Variants in GRIP2 observed in about 807,000 individuals in gnomAD.
The protein encoded by GRIP2 is glutamate receptor interacting protein 2.
A neutral mutation model predicts 108.3 loss-of-function variants in GRIP2; 58 were observed. The ratio of observed to expected loss-of-function variants is 0.54; its 90% CI spans 0.43 to 0.67. GRIP2 has a LOEUF of 0.67. Ranked by LOEUF, GRIP2 falls within the 30% of genes least tolerant of loss-of-function variation. The pLI is 0.00. For synonymous variants in GRIP2, 586 were observed against 598.2 expected, an observed-to-expected ratio of 0.98 and a Z score of 0.30; for missense variants, 1,278 against 1,430.6, an observed-to-expected ratio of 0.89 and a Z score of 1.72.
At chr3:14,555,867 G>C (rs937135824) in intron 1 of GRIP2, 6 of 398,832 alleles carry the variant, frequency 1.5e-5, no homozygotes, top group Non-Finnish European at 2.7e-5. Flanking sequence ...AGTCCCTCTG[G>C]GCCCCTCGCC....
In GRIP2 at chr3:14,521,672, A is replaced by T; in HGVS notation, c.682T>A (p.Phe228Ile). Reference sequence around the variant, plus strand: ...GTGGCCACATCATACTCCACCTGAAAGAGTGCCTCGTGGCTGCACTGCCGC... The same window carrying T: ...GTGGCCACATCATACTCCACCTGAATGAGTGCCTCGTGGCTGCACTGCCGC... ...TLRQCSHEAL[F>I]QVEYDVATPD... Residue 228 changes from phenylalanine (F) to isoleucine (I), a missense_variant, in exon 7 of 24, where the codon TTT (phenylalanine) becomes ATT (isoleucine). Transcript: ENST00000621039. The surrounding 1 kb of genome is among the most constrained non-coding windows in gnomAD (Gnocchi z 5.1). The T allele has an allele frequency of 6.2e-7, 1 of 1,612,060 alleles. No homozygotes were observed. Among genetic ancestry groups the T allele is most frequent in the Non-Finnish European group, 8.5e-7 (1 of 1,179,142 alleles).
intron 12 of GRIP2, 33 bp downstream of exon 12, chr3:14,514,259 G>A (rs779618152): frequency 1.3e-6 from 2 of 1,517,198 alleles, no homozygotes; most frequent in South Asian, 1.2e-5. Context: ...TCAGAGAGTG[G>A]CAGGCTCAGT....
At chr3:14,516,267 T>C (rs1694245284) in intron 11 of GRIP2, among the ~76,000 whole-genome samples, 1 of 152,102 alleles carries the variant, frequency 6.6e-6, no homozygotes, top group African/African-American at 2.4e-5. Context: ...AGAACCATAT[T>C]TAGCTTTTTT....
chr3:14,550,843 A>T (rs961184746), intron 1 of GRIP2, among the ~76,000 whole-genome samples: 1 of 152,194 alleles, frequency 6.6e-6, no homozygotes, highest in East Asian at 1.9e-4. Flanking sequence ...ATCTTGCCCA[A>T]GGTCATCCTA....
chr3:14,521,421 C>T lies in GRIP2; in HGVS notation c.712+221G>A, dbSNP rs1694404597. The T allele has an allele frequency of 3.8e-6, 2 of 523,920 alleles. No individual in the cohort carries two copies. Among genetic ancestry groups the T allele is most frequent in the Admixed American group, 3.9e-5 (1 of 25,974 alleles). The allele number at this position is 523,920 out of a possible 1,614,324, so 32.5% of individuals were successfully genotyped here. ...TGTCCTCTCTCCACCAGAATGCCAG[C>T]TCCATGAGAACAGACACCTCAATTC... On this transcript the variant is annotated intron_variant, in intron 7 of 23. Coordinates refer to ENST00000621039, the MANE Select transcript of GRIP2 (RefSeq NM_001080423.4). The surrounding 1 kb of genome is among the most constrained non-coding windows in gnomAD (Gnocchi z 5.1).
chr3:14,575,710 G>C, the GRIP2 span, among the ~76,000 whole-genome samples: 12 of 152,350 alleles, frequency 7.9e-5, no homozygotes, highest in African/African-American at 2.6e-4. Context: ...TTTAACAAAA[G>C]GGTGGAGAGG....
intron 23 of GRIP2, 99 bp downstream of exon 23, chr3:14,494,744 G>A (rs1349004925): frequency 7.1e-7 from 1 of 1,413,246 alleles, no homozygotes; most frequent in African/African-American, 1.4e-5. Flanking sequence ...GACTTGCATT[G>A]TCCTGCCCTC....
intron 19 of GRIP2, among the ~76,000 whole-genome samples, chr3:14,506,491 G>C (rs563194057): frequency 3.4e-4 from 52 of 152,322 alleles, no homozygotes; most frequent in African/African-American, 1.2e-3. Flanking sequence ...CATTGGGCTA[G>C]GAAGGAAGGC....
At chr3:14,591,667 GC>G in the GRIP2 span, among the ~76,000 whole-genome samples, 1 of 152,218 alleles carries the variant, frequency 6.6e-6, no homozygotes, top group Non-Finnish European at 1.5e-5. Flanking sequence ...CTGGAAGGGA[GC>G]CTGGGTTTTA....
At position 14,521,591 on chromosome 3, in the gene GRIP2, C is replaced by A. The variant is rs1449138871; in HGVS notation, c.712+51G>T. ...ATCCATGGCCACTGCCACCTCCCCC[C>A]ATCCCAGGCCTCCTCCTGCCCCAAC... On this transcript the variant is annotated intron_variant, in intron 7 of 23. Coordinates refer to ENST00000621039, the MANE Select transcript of GRIP2 (RefSeq NM_001080423.4). The surrounding 1 kb of genome is among the most constrained non-coding windows in gnomAD (Gnocchi z 5.1). 3 of 1,534,972 alleles carry A rather than the reference C, an allele frequency of 2.0e-6. No homozygotes were observed. Among genetic ancestry groups the A allele is most frequent in the Non-Finnish European group, 2.6e-6 (3 of 1,136,620 alleles).
chr3:14,513,133 A>T (rs887547472), intron 13 of GRIP2, among the ~76,000 whole-genome samples: 1 of 152,132 alleles, frequency 6.6e-6, no homozygotes, highest in Non-Finnish European at 1.5e-5. Context: ...GGAGCTCCCC[A>T]CAGCCTAACA....
upstream of GRIP2, among the ~76,000 whole-genome samples, chr3:14,560,091 A>AT (rs550803766): frequency 2.1e-4 from 32 of 148,862 alleles, no homozygotes; most frequent in South Asian, 2.3e-3. Context: ...TGTCTCTATA[A>AT]TTTTTTTTTT....
At chr3:14,542,111 C>T, upstream of GRIP2, 1 of 1,265,790 alleles carries the variant, frequency 7.9e-7, no homozygotes, top group Non-Finnish European at 1.1e-6. Context: ...TTAGATCTGC[C>T]CCTTCTTTCT....
chr3:14,602,940 G>T, the GRIP2 span, among the ~76,000 whole-genome samples: 1 of 149,516 alleles, frequency 6.7e-6, no homozygotes, highest in Non-Finnish European at 1.5e-5. The surrounding 1 kb of genome is among the most constrained non-coding windows in gnomAD (Gnocchi z 4.7). Context: ...TCGTCCGGCA[G>T]CCGCTGCAGG....
chr3:14,581,508 C>T, the GRIP2 span, among the ~76,000 whole-genome samples: 14 of 152,236 alleles, frequency 9.2e-5, 1 homozygote, highest in African/African-American at 3.1e-4. Flanking sequence ...AGTCCTTTCT[C>T]CAGGCCACAG....
At chr3:14,498,620 A>T (rs1693681944) in intron 21 of GRIP2, among the ~76,000 whole-genome samples, 1 of 20,508 alleles carries the variant, frequency 4.9e-5, no homozygotes, top group Non-Finnish European at 7.9e-5. Flanking sequence ...CAAAAGGAAA[A>T]TCCAAGACTC....
chr3:14,503,473 T>C, intron 21 of GRIP2, 93 bp downstream of exon 21: 1 of 841,974 alleles, frequency 1.2e-6, no homozygotes, highest in Non-Finnish European at 1.9e-6. Flanking sequence ...CACATGAGCA[T>C]GATGCCATCA....
At position 14,490,486 on chromosome 3, in the gene GRIP2, T is replaced by A. The variant is rs867288054; in HGVS notation, c.*3179A>T. On this transcript the variant is annotated 3_prime_UTR_variant, in exon 24 of 24. Transcript: ENST00000621039. ...CCTGTAGCTCACCTGCCCTAGACAC[T>A]CTCTGGACACTCCAGGGCAGCAGCC... The A allele has an allele frequency of 6.6e-6, 1 of 152,524 alleles. No individual in the cohort carries two copies. Among genetic ancestry groups the A allele is most frequent in the African/African-American group, 2.4e-5 (1 of 41,442 alleles). 9.4% of individuals were successfully genotyped at this position (152,524 alleles called of 1,614,324 possible).
At chr3:14,553,605 C>T (rs1695187711) in intron 1 of GRIP2, among the ~76,000 whole-genome samples, 4 of 152,170 alleles carry the variant, frequency 2.6e-5, no homozygotes, top group African/African-American at 9.7e-5. Flanking sequence ...CCATGTGGCT[C>T]AGGGACCTCC....
Sources: gnomAD v4.1 joint callset for allele counts (sites outside exome capture counted in the v4.1 genomes callset) on GRCh38, gnomAD v4.1.1 for gene constraint, Gnocchi (gnomAD v3.1) non-coding constraint, MANE v1.5 for transcripts, NCBI Gene and HGNC (gene_info 2026-07-23, HGNC 2026-07-21) for gene names.